CD2AP: variants seen among roughly 807,000 people sequenced by gnomAD.
CD2AP encodes the protein CD2 associated protein, also known as CD2-associated protein.
A neutral mutation model predicts 85.1 loss-of-function variants in CD2AP; 46 were observed. The observed-to-expected ratio is 0.54, with a 90% CI of 0.43 to 0.69. CD2AP has a LOEUF of 0.69. Ranked by LOEUF, CD2AP falls within the 30% of genes least tolerant of loss-of-function variation. The pLI is 0.00. For synonymous variants in CD2AP, 255 were observed against 252.9 expected, an observed-to-expected ratio of 1.01 and a Z score of -0.08; for missense variants, 769 against 729.5, an observed-to-expected ratio of 1.05 and a Z score of -0.62.
At chr6:47,557,203 T>C (rs943090805) in intron 5 of CD2AP, among the ~76,000 whole-genome samples, 6 of 151,474 alleles carry the variant, frequency 4.0e-5, no homozygotes, top group African/African-American at 1.5e-4. Context: ...ATGTTTAAGT[T>C]CTTTGTAGAT....
chr6:47,590,278 G>A (rs1289662534), intron 11 of CD2AP, among the ~76,000 whole-genome samples: 1 of 151,872 alleles, frequency 6.6e-6, no homozygotes, highest in African/African-American at 2.4e-5. Context: ...CTAGAACCTT[G>A]TAAGTATATA....
At chr6:47,565,441 T>TAA (rs1282713400) in intron 5 of CD2AP, among the ~76,000 whole-genome samples, 1 of 152,156 alleles carries the variant, frequency 6.6e-6, no homozygotes, top group Non-Finnish European at 1.5e-5. Context: ...CCCCTTATTT[T>TAA]ATGAAACCAG....
rs538063810 is a variant in CD2AP, at chr6:47,536,968, C to T, written c.319+3213C>T. On this transcript the variant is annotated intron_variant, in intron 3 of 17. Transcript: ENST00000359314. ...ATACCAGATGAAATCTCTTGGCACA[C>T]GTGAGGCAATACATAGTGTTTGCTA... Among the ~76,000 whole-genome samples the T allele has an allele frequency of 1.7e-3, 253 of 152,248 alleles. 2 individuals are homozygous for T. The highest frequency in any genetic ancestry group is 3.4e-3 in the Middle Eastern group (1 of 294).
intron 11 of CD2AP, among the ~76,000 whole-genome samples, chr6:47,592,631 GTCCCT>G (rs1768833233): frequency 6.6e-6 from 1 of 152,058 alleles, no homozygotes; most frequent in Non-Finnish European, 1.5e-5. Flanking sequence ...CTTTTGTAAA[GTCCCT>G]AAGGATGGGG....
At chr6:47,582,314 A>T (rs1325871666) in intron 11 of CD2AP, 4 of 341,276 alleles carry the variant, frequency 1.2e-5, no homozygotes, top group African/African-American at 8.4e-5. Flanking sequence ...ACTGTATAAG[A>T]AAACTAAGCA....
chr6:47,517,258 T>C (rs1033211430), intron 2 of CD2AP, among the ~76,000 whole-genome samples: 1 of 151,946 alleles, frequency 6.6e-6, no homozygotes, highest in Non-Finnish European at 1.5e-5. Flanking sequence ...TTGTATAGCT[T>C]GCAGAACTGT....
At chr6:47,489,938 C>T (rs925420289) in intron 1 of CD2AP, among the ~76,000 whole-genome samples, 7 of 142,620 alleles carry the variant, frequency 4.9e-5, no homozygotes, top group African/African-American at 1.3e-4. Context: ...GATTGGTATT[C>T]GTTTGAGTAA....
chr6:47,569,275 T>C (rs1768084447), intron 5 of CD2AP, among the ~76,000 whole-genome samples: 2 of 152,248 alleles, frequency 1.3e-5, no homozygotes, highest in East Asian at 1.9e-4. Flanking sequence ...ATCAGCACAA[T>C]AGAATTTATC....
intron 14 of CD2AP, among the ~76,000 whole-genome samples, chr6:47,607,025 A>G (rs1232311325): frequency 1.3e-5 from 2 of 151,860 alleles, no homozygotes; most frequent in South Asian, 4.1e-4. Context: ...CCATTAGTTC[A>G]GTTGTTTTAA....
At chr6:47,613,069 C>A (rs1769491639) in intron 17 of CD2AP, among the ~76,000 whole-genome samples, 1 of 152,194 alleles carries the variant, frequency 6.6e-6, no homozygotes. Flanking sequence ...CTCATCTGTT[C>A]AAGTTCGATC....
At chr6:47,609,087 TAAA>T (rs1235268109) in intron 15 of CD2AP, 33 bp from the exon 16 acceptor site, 11 of 1,475,698 alleles carry the variant, frequency 7.5e-6, no homozygotes, top group Non-Finnish European at 1.0e-5. Context: ...AATATAATAT[TAAA>T]TAAAATCAGA....
At chr6:47,508,534 C>CTTTT (rs374284567) in intron 2 of CD2AP, among the ~76,000 whole-genome samples, 5 of 129,390 alleles carry the variant, frequency 3.9e-5, no homozygotes, top group African/African-American at 8.6e-5. Flanking sequence ...TTCTTTCTTT[C>CTTTT]TTTTTTTTTT....
intron 1 of CD2AP, among the ~76,000 whole-genome samples, chr6:47,493,999 A>G (rs562411288): frequency 1.3e-5 from 2 of 152,142 alleles, no homozygotes; most frequent in East Asian, 1.9e-4. Context: ...TAGCATATTA[A>G]TCATAGTTAT....
chr6:47,554,485 C>G (rs1389112231), intron 4 of CD2AP, among the ~76,000 whole-genome samples, 161 bp from the exon 5 acceptor site: 1 of 152,078 alleles, frequency 6.6e-6, no homozygotes, highest in Admixed American at 6.6e-5. Flanking sequence ...AAAATTTAAT[C>G]CACTTAAAAT....
intron 2 of CD2AP, among the ~76,000 whole-genome samples, chr6:47,533,341 G>C (rs1766939481): frequency 6.6e-6 from 1 of 152,042 alleles, no homozygotes; most frequent in African/African-American, 2.4e-5. Flanking sequence ...CTTTGTAGTT[G>C]GGGTGAGTGG....
chr6:47,541,404 A>C (rs1335907453), intron 3 of CD2AP, among the ~76,000 whole-genome samples: 2 of 152,192 alleles, frequency 1.3e-5, no homozygotes, highest in African/African-American at 4.8e-5. Flanking sequence ...GATTACAGGC[A>C]TGAGCCTCCA....
intron 13 of CD2AP, among the ~76,000 whole-genome samples, chr6:47,605,167 G>A (rs1769235955): frequency 4.6e-5 from 7 of 151,958 alleles, no homozygotes; most frequent in South Asian, 4.1e-4. Context: ...ATACAGATCT[G>A]GACGATTAGA....
chr6:47,595,109 G>A (rs181076895), intron 11 of CD2AP, among the ~76,000 whole-genome samples: 1 of 152,010 alleles, frequency 6.6e-6, no homozygotes, highest in Admixed American at 6.6e-5. Flanking sequence ...ACCTATTTAT[G>A]AGCACCTGAA....
intron 3 of CD2AP, among the ~76,000 whole-genome samples, chr6:47,542,504 A>C (rs1324891767): frequency 6.6e-6 from 1 of 152,158 alleles, no homozygotes; most frequent in African/African-American, 2.4e-5. Flanking sequence ...ATAAGTCATG[A>C]GGGCTGTGCT....
Sources: allele counts gnomAD v4.1 joint callset (sites outside exome capture counted in the v4.1 genomes callset), GRCh38; gene constraint gnomAD v4.1.1; transcripts MANE v1.5; gene names NCBI Gene and HGNC (gene_info 2026-07-23, HGNC 2026-07-21).